Variants in CHN2 observed in about 807,000 individuals in gnomAD.
CHN2 encodes beta-chimaerin.
CHN2 carries 35 observed loss-of-function variants against 56.3 expected under a neutral mutation model. The observed-to-expected ratio is 0.62, with a 90% CI of 0.47 to 0.82. The LOEUF (loss-of-function observed/expected upper bound fraction) is 0.82. Ranked by LOEUF, CHN2 falls within the 40% of genes least tolerant of loss-of-function variation. The pLI is 0.00. For missense variants in CHN2, 491 were observed against 580.5 expected, an observed-to-expected ratio of 0.85 and a Z score of 1.58; for synonymous variants, 210 against 212.8, an observed-to-expected ratio of 0.99 and a Z score of 0.12.
In CHN2 at chr7:29,205,860, CAA is replaced by C. The variant is rs368608160; in HGVS notation, c.49+10877_49+10878del. 7.2e-5 allele frequency among the ~76,000 whole-genome samples: 11 copies of C among 151,938 alleles called. 1 individual carries two copies. The South Asian group carries it at 8.3e-4, about 11-fold the overall frequency. On this transcript the variant is annotated intron_variant, in intron 1 of 12. Transcript: ENST00000222792. ...CATTTTACGTAAGATGCAATATATA[CAA>C]AAAAAATCAGTAATAGCGTAGCCAC...
chr7:29,503,905 T>C (rs1328219150), intron 9 of CHN2, among the ~76,000 whole-genome samples: 1 of 152,206 alleles, frequency 6.6e-6, no homozygotes, highest in Non-Finnish European at 1.5e-5. Flanking sequence ...GCTCATACTT[T>C]TGGGAACTGA....
At chr7:29,294,234 G>T (rs866562292) in intron 1 of CHN2, among the ~76,000 whole-genome samples, 1 of 152,152 alleles carries the variant, frequency 6.6e-6, no homozygotes, top group Non-Finnish European at 1.5e-5. Context: ...TGCCTAGTAT[G>T]TGATGGGTGC....
In CHN2 at chr7:29,437,616, T is replaced by G. The variant is rs1783338042; in HGVS notation, c.576+36788T>G. Among the ~76,000 whole-genome samples, 2 of 145,004 alleles carry G rather than the reference T, an allele frequency of 1.4e-5. 1 individual carries two copies. Among genetic ancestry groups the G allele is most frequent in the African/African-American group, 5.0e-5 (2 of 39,700 alleles). The stretch of plus-strand genomic sequence containing the variant: ...CCGTCTCAAAAAAAAAAAAAAAAGA[T>G]ATCTAAAACCATAATAGGCCAAAAA... On this transcript the variant is annotated intron_variant, in intron 6 of 12. Coordinates refer to ENST00000222792, the MANE Select transcript of CHN2 (RefSeq NM_004067.4).
chr7:29,452,576 G>A (rs1368302203), intron 6 of CHN2, among the ~76,000 whole-genome samples: 1 of 152,170 alleles, frequency 6.6e-6, no homozygotes, highest in African/African-American at 2.4e-5. Flanking sequence ...AGATCAGGTG[G>A]CACACAGAAA....
chr7:29,222,676 C>T (rs965151655), intron 1 of CHN2, among the ~76,000 whole-genome samples: 1 of 151,964 alleles, frequency 6.6e-6, no homozygotes, highest in African/African-American at 2.4e-5. Flanking sequence ...GATAGTTTCC[C>T]CTAATTTGAT....
intron 1 of CHN2, among the ~76,000 whole-genome samples, chr7:29,265,329 A>G (rs1193060975): frequency 6.6e-6 from 1 of 152,164 alleles, no homozygotes; most frequent in Non-Finnish European, 1.5e-5. Context: ...TGGATTTGCT[A>G]TCTGATCTGT....
At chr7:29,350,649 C>T (rs572453728) in intron 1 of CHN2, among the ~76,000 whole-genome samples, 4 of 152,230 alleles carry the variant, frequency 2.6e-5, no homozygotes, top group African/African-American at 9.6e-5. Context: ...CAGACATTAG[C>T]TGCAGTGAAG....
At chr7:29,354,340 A>G (rs1194756121) in intron 1 of CHN2, among the ~76,000 whole-genome samples, 2 of 152,204 alleles carry the variant, frequency 1.3e-5, no homozygotes, top group African/African-American at 4.8e-5. Flanking sequence ...GGGTATAATC[A>G]AGTTAATTGC....
chr7:29,231,424 A>G (rs575084482), intron 1 of CHN2, among the ~76,000 whole-genome samples: 4 of 152,304 alleles, frequency 2.6e-5, no homozygotes, highest in African/African-American at 9.6e-5. Flanking sequence ...AGTCTTATCT[A>G]CGTATCTGTC....
intron 6 of CHN2, among the ~76,000 whole-genome samples, chr7:29,425,960 CA>C (rs1804819099): frequency 6.6e-6 from 1 of 151,882 alleles, no homozygotes; most frequent in African/African-American, 2.4e-5. Context: ...CCTGTAATCC[CA>C]GCACTTTGGG....
intron 1 of CHN2, among the ~76,000 whole-genome samples, chr7:29,250,077 T>G (rs1400615559): frequency 2.0e-5 from 3 of 152,236 alleles, no homozygotes; most frequent in Non-Finnish European, 4.4e-5. Context: ...TGCAACTATG[T>G]TGTCTGTTAT....
At chr7:29,448,195 G>C (rs765933952) in intron 6 of CHN2, among the ~76,000 whole-genome samples, 1 of 151,814 alleles carries the variant, frequency 6.6e-6, no homozygotes, top group Admixed American at 6.6e-5. Context: ...TTATAGGTAC[G>C]CAATACCTTA....
chr7:29,392,032 C>A (rs1369523643), intron 3 of CHN2, among the ~76,000 whole-genome samples: 1 of 152,194 alleles, frequency 6.6e-6, no homozygotes, highest in African/African-American at 2.4e-5. Context: ...TTGAGAGCTA[C>A]ACCCAGATTT....
intron 1 of CHN2, among the ~76,000 whole-genome samples, chr7:29,285,747 G>A (rs754061261): frequency 1.3e-5 from 2 of 152,194 alleles, no homozygotes; most frequent in Non-Finnish European, 2.9e-5. Context: ...TATCTTGGAT[G>A]ATCCTGATTA....
At chr7:29,429,824 T>C (rs1205394967) in intron 6 of CHN2, among the ~76,000 whole-genome samples, 2 of 152,262 alleles carry the variant, frequency 1.3e-5, no homozygotes, top group Non-Finnish European at 2.9e-5. Context: ...CAATATGGTG[T>C]ACTTTTGTGC....
rs114748637 is a variant in CHN2, at chr7:29,180,234, G to A, written c.274+33274G>A. On this transcript the variant is annotated intron_variant, in intron 2 of 6. Coordinates refer to the CHN2 transcript ENST00000439384. ...TTTAAAATGTGATAACGTACCAATA[G>A]TGACATCTAGGCCGGGTGTGGTGGC... is the stretch of plus-strand genomic sequence containing the variant. Among the ~76,000 whole-genome samples, 1,422 of 152,206 alleles carry A rather than the reference G, an allele frequency of 9.3e-3. 18 individuals are homozygous for A. Among genetic ancestry groups the A allele is most frequent in the African/African-American group, 0.029 (1,216 of 41,518 alleles).
intron 1 of CHN2, among the ~76,000 whole-genome samples, chr7:29,240,526 AT>A (rs993542463): frequency 6.6e-5 from 10 of 152,224 alleles, no homozygotes; most frequent in Non-Finnish European, 2.9e-5. Context: ...TTCAACAATT[AT>A]TTATTGAATA....
At chr7:29,507,083 C>A in intron 10 of CHN2, 145 bp from the exon 11 acceptor site, 1 of 645,356 alleles carries the variant, frequency 1.5e-6, no homozygotes, top group Non-Finnish European at 2.5e-6. Flanking sequence ...TTGCCTCCTA[C>A]ACTTCAGTGT....
chr7:29,210,879 T>C (rs996511498), intron 1 of CHN2, among the ~76,000 whole-genome samples: 2 of 152,002 alleles, frequency 1.3e-5, no homozygotes, highest in Non-Finnish European at 2.9e-5. Flanking sequence ...GTACCTGGTG[T>C]GTTCCAGGAA....
Sources: allele counts gnomAD v4.1 joint callset (sites outside exome capture counted in the v4.1 genomes callset), GRCh38; gene constraint gnomAD v4.1.1; transcripts MANE v1.5; gene names NCBI Gene and HGNC (gene_info 2026-07-23, HGNC 2026-07-21).